CADPS: variants seen among roughly 807,000 people sequenced by gnomAD.
The protein encoded by CADPS is calcium-dependent secretion activator 1.
In CADPS, 57 loss-of-function variants were observed where a neutral mutation model predicts 167.3. That is an observed-to-expected ratio of 0.34 (90% confidence interval 0.28 to 0.42). The LOEUF (loss-of-function observed/expected upper bound fraction) is 0.42, where lower values mean the gene tolerates loss of function less well. Among genes scored for constraint, CADPS ranks in the 20% least tolerant of loss-of-function variants. CADPS has a pLI of 1.00. For missense variants in CADPS, 1,414 were observed against 1,738.1 expected, an observed-to-expected ratio of 0.81 and a Z score of 3.32; for synonymous variants, 676 against 635.3, an observed-to-expected ratio of 1.06 and a Z score of -0.96.
At chr3:62,506,291 G>C (rs2066670757) in intron 17 of CADPS, among the ~76,000 whole-genome samples, 2 of 152,146 alleles carry the variant, frequency 1.3e-5, no homozygotes, top group Non-Finnish European at 2.9e-5. Flanking sequence ...AGGAGGCTGA[G>C]GCAGGAGAAT....
intron 1 of CADPS, among the ~76,000 whole-genome samples, chr3:62,782,192 C>A (rs1173758043): frequency 6.6e-6 from 1 of 152,130 alleles, no homozygotes; most frequent in Non-Finnish European, 1.5e-5. Context: ...ACATTTCCCC[C>A]TTCTGGTAAT....
At chr3:62,728,964 C>G (rs544890526) in intron 3 of CADPS, among the ~76,000 whole-genome samples, 1 of 151,916 alleles carries the variant, frequency 6.6e-6, no homozygotes, top group South Asian at 2.1e-4. Context: ...CTTTTCACAA[C>G]TTTTCTCATC....
At chr3:62,736,288 G>A (rs531673959) in intron 3 of CADPS, among the ~76,000 whole-genome samples, 92 of 152,228 alleles carry the variant, frequency 6.0e-4, no homozygotes, top group African/African-American at 2.2e-3. Flanking sequence ...TGAAGAGAAA[G>A]ATACTGCACG....
intron 6 of CADPS, among the ~76,000 whole-genome samples, chr3:62,628,636 C>CT (rs1554012394): frequency 2.9e-5 from 3 of 104,116 alleles, no homozygotes; most frequent in African/African-American, 1.1e-4. Flanking sequence ...TTTTTTTTTT[C>CT]TTTTTTCTTG....
intron 1 of CADPS, among the ~76,000 whole-genome samples, chr3:62,772,706 A>G (rs986383434): frequency 1.3e-5 from 2 of 152,218 alleles, no homozygotes; most frequent in Admixed American, 1.3e-4. Context: ...CTTGGTTTAC[A>G]ATAGTCATGG....
chr3:62,862,217 GTT>G (rs34987223), intron 1 of CADPS, among the ~76,000 whole-genome samples: 22 of 131,778 alleles, frequency 1.7e-4, no homozygotes, highest in Middle Eastern at 7.8e-3. Context: ...GAAAACAGTG[GTT>G]TTTTTTTTTT....
rs2076141091 is a variant in CADPS, at chr3:62,544,315, C to A, written c.1966+5588G>T. Among the ~76,000 whole-genome samples the A allele has an allele frequency of 6.6e-6, 1 of 152,068 alleles. No individual in the cohort carries two copies. Among genetic ancestry groups the A allele is most frequent in the African/African-American group, 2.4e-5 (1 of 41,422 alleles). ...ATTGTATTTTGCAATTTCTTCTAGT[C>A]TTGCTCAGTTAACAACTCTGGGTTT... On this transcript the variant is annotated intron_variant, in intron 11 of 29. Coordinates refer to ENST00000383710, the MANE Select transcript of CADPS (RefSeq NM_003716.4). The surrounding 1 kb of genome is among the most constrained non-coding windows in gnomAD (Gnocchi z 4.4).
At chr3:62,851,493 T>G (rs1300114255) in intron 1 of CADPS, among the ~76,000 whole-genome samples, 2 of 150,028 alleles carry the variant, frequency 1.3e-5, no homozygotes, top group African/African-American at 4.9e-5. Context: ...CTCTCAGCCT[T>G]TGCTTGTCTG....
At chr3:62,822,739 G>A (rs1479220333) in intron 1 of CADPS, among the ~76,000 whole-genome samples, 1 of 152,130 alleles carries the variant, frequency 6.6e-6, no homozygotes, top group African/African-American at 2.4e-5. Flanking sequence ...CTACTGAAGA[G>A]GCTGAAGTAG....
intron 1 of CADPS, chr3:62,796,521 C>T (rs186402774): frequency 1.3e-5 from 2 of 152,252 alleles, no homozygotes; most frequent in East Asian, 3.9e-4. Context: ...ATGATGAAAT[C>T]CGTGAAGGAG....
At chr3:62,701,307 T>C (rs2081340684) in intron 3 of CADPS, among the ~76,000 whole-genome samples, 1 of 152,038 alleles carries the variant, frequency 6.6e-6, no homozygotes, top group Admixed American at 6.6e-5. Flanking sequence ...GTTGTGGGGA[T>C]TGGGGCTGCA....
At chr3:62,530,833 C>T in intron 13 of CADPS, 1 of 1,255,540 alleles carries the variant, frequency 8.0e-7, no homozygotes, top group Non-Finnish European at 1.0e-6. Context: ...GGGGTGGTCG[C>T]ATGAGGCATG....
At chr3:62,822,645 C>A (rs2073193391) in intron 1 of CADPS, among the ~76,000 whole-genome samples, 1 of 152,066 alleles carries the variant, frequency 6.6e-6, no homozygotes, top group African/African-American at 2.4e-5. Flanking sequence ...AGTTCGAGAC[C>A]AGCCTGGCCT....
chr3:62,849,752 T>C (rs1156925981), intron 1 of CADPS, among the ~76,000 whole-genome samples: 1 of 143,548 alleles, frequency 7.0e-6, no homozygotes, highest in Non-Finnish European at 1.5e-5. Flanking sequence ...TTTGGCTGTG[T>C]CTCTGCCCGG....
chr3:62,770,690 T>C (rs1219853843), intron 1 of CADPS, among the ~76,000 whole-genome samples: 1 of 152,184 alleles, frequency 6.6e-6, no homozygotes, highest in Non-Finnish European at 1.5e-5. Flanking sequence ...CCTCCCAAAG[T>C]GCTGGGATTA....
intron 6 of CADPS, among the ~76,000 whole-genome samples, chr3:62,612,548 C>T (rs2061647560): frequency 6.6e-6 from 1 of 152,146 alleles, no homozygotes; most frequent in Admixed American, 6.6e-5. Context: ...CCTTCTGATT[C>T]CACTTATTTT....
chr3:62,606,925 A>G (rs2060771850), intron 6 of CADPS, among the ~76,000 whole-genome samples: 1 of 152,252 alleles, frequency 6.6e-6, no homozygotes. Context: ...AGAGCCATTC[A>G]GCTGAGCCTG....
chr3:62,824,166 C>CA (rs3047274), intron 1 of CADPS, among the ~76,000 whole-genome samples: 1,952 of 126,580 alleles, frequency 0.015, 46 homozygotes, highest in South Asian at 0.11. Flanking sequence ...GCTATAACTT[C>CA]AAAAAAAAAA....
intron 1 of CADPS, among the ~76,000 whole-genome samples, chr3:62,791,228 G>A (rs558122473): frequency 2.0e-5 from 3 of 152,272 alleles, no homozygotes; most frequent in Admixed American, 2.0e-4. Flanking sequence ...AATGGTAGAA[G>A]TGCTCTATAT....
Sources: allele counts gnomAD v4.1 joint callset (sites outside exome capture counted in the v4.1 genomes callset), GRCh38; gene constraint gnomAD v4.1.1; non-coding constraint Gnocchi (gnomAD v3.1); transcripts MANE v1.5; gene names NCBI Gene and HGNC (gene_info 2026-07-23, HGNC 2026-07-21).